CNTNAP4: variants seen among roughly 807,000 people sequenced by gnomAD.
CNTNAP4 encodes contactin associated protein family member 4.
CNTNAP4 carries 98 observed loss-of-function variants against 148.4 expected under a neutral mutation model. The observed-to-expected ratio is 0.66, with a 90% CI of 0.56 to 0.78. The LOEUF is 0.78. CNTNAP4 is among the 30% of genes least tolerant of loss of function. CNTNAP4 has a pLI of 0.00. For missense variants in CNTNAP4, 1,935 were observed against 1,565.6 expected (o/e 1.24, Z -3.98); for synonymous variants, 730 against 565.1 (o/e 1.29, Z -4.14).
At chr16:76,367,189 T>C (rs2014242000) in intron 3 of CNTNAP4, among the ~76,000 whole-genome samples, 1 of 152,066 alleles carries the variant, frequency 6.6e-6, no homozygotes, top group South Asian at 2.1e-4. Flanking sequence ...TTAATACATA[T>C]TTAAGGAAAT....
Position 76,349,048 on chromosome 16 carries a change from C to T in CNTNAP4, c.197-6270C>T, listed in dbSNP as rs374317778. On this transcript the variant is annotated intron_variant, in intron 2 of 23. Transcript: ENST00000611870. ...GGATCAGCACAAGCAAGGGGCCCAA[C>T]GAATGTCTTATGTAACTAGAAAGCA... is the stretch of plus-strand genomic sequence containing the variant. 1.6e-4 allele frequency among the ~76,000 whole-genome samples: 24 copies of T among 152,112 alleles called. No homozygotes were observed. In the South Asian group the frequency reaches 3.7e-3, roughly 24 times the overall value.
intron 1 of CNTNAP4, among the ~76,000 whole-genome samples, chr16:76,301,549 T>A (rs376013510): frequency 1.9e-4 from 29 of 152,318 alleles, no homozygotes; most frequent in African/African-American, 6.7e-4. Context: ...CTGAAAGACC[T>A]GGAAGTACAT....
At chr16:76,317,294 C>CA (rs1961890718) in intron 2 of CNTNAP4, among the ~76,000 whole-genome samples, 1 of 131,098 alleles carries the variant, frequency 7.6e-6, no homozygotes, top group African/African-American at 3.1e-5. Flanking sequence ...AAAAAAAACC[C>CA]AAAAAACCCC....
intron 1 of CNTNAP4, among the ~76,000 whole-genome samples, chr16:76,291,410 C>T (rs982004785): frequency 9.9e-5 from 15 of 152,104 alleles, no homozygotes; most frequent in African/African-American, 3.4e-4. Flanking sequence ...TTTCTCTTTG[C>T]TTTTATCTGC....
intron 3 of CNTNAP4, among the ~76,000 whole-genome samples, chr16:76,396,999 G>A (rs189787235): frequency 6.6e-6 from 1 of 152,238 alleles, no homozygotes; most frequent in Admixed American, 6.5e-5. Flanking sequence ...TATGGAACTC[G>A]ATCACTTGGG....
At chr16:76,316,606 A>T in intron 2 of CNTNAP4, 83 bp downstream of exon 2, 1 of 869,470 alleles carries the variant, frequency 1.2e-6, no homozygotes, top group Non-Finnish European at 1.9e-6. Context: ...ATTATGAATG[A>T]TACATGGTAA....
chr16:76,375,482 A>G (rs2015324610), intron 3 of CNTNAP4, among the ~76,000 whole-genome samples: 2 of 152,170 alleles, frequency 1.3e-5, no homozygotes, highest in Non-Finnish European at 2.9e-5. Context: ...AATATTGCAT[A>G]GGGCTTTGCA....
chr16:76,509,994 C>T lies in CNTNAP4; in HGVS notation c.2366-11146C>T, dbSNP rs1473564891. On this transcript the variant is annotated intron_variant, in intron 15 of 23. Transcript: ENST00000611870. The stretch of plus-strand genomic sequence containing the variant: ...CATATAATTCACAGCCTATAATTCA[C>T]CCTTTTAAAAGTGTACAGTTCAATC... 8.3e-5 allele frequency among the ~76,000 whole-genome samples: 8 copies of T among 95,906 alleles called. 1 individual carries two copies. The highest frequency in any genetic ancestry group is 2.1e-4 in the African/African-American group (8 of 38,534). The allele number at this position is 95,906 out of a possible 152,430, so 62.9% of individuals were successfully genotyped here. A position where few individuals can be genotyped will look rare whatever the true frequency, so the allele number is the denominator to read the frequency against.
At chr16:76,521,488 CAT>C (rs551860877) in intron 16 of CNTNAP4, among the ~76,000 whole-genome samples, 178 bp downstream of exon 16, 37 of 152,228 alleles carry the variant, frequency 2.4e-4, no homozygotes, top group South Asian at 1.0e-3. Context: ...TGATACTTAA[CAT>C]GTGATAATTT....
chr16:76,421,991 G>C (rs1166971509), intron 3 of CNTNAP4, among the ~76,000 whole-genome samples: 1 of 152,068 alleles, frequency 6.6e-6, no homozygotes, highest in Non-Finnish European at 1.5e-5. Flanking sequence ...ATACTTCTTG[G>C]CTTTTATACG....
intron 4 of CNTNAP4, among the ~76,000 whole-genome samples, chr16:76,447,601 C>T (rs576605042): frequency 1.4e-4 from 21 of 152,194 alleles, no homozygotes; most frequent in African/African-American, 3.9e-4. Flanking sequence ...AGACAATATG[C>T]ATTCAGTAGA....
At chr16:76,483,419 C>G (rs762232287) in intron 12 of CNTNAP4, among the ~76,000 whole-genome samples, 58 of 152,146 alleles carry the variant, frequency 3.8e-4, no homozygotes, top group Non-Finnish European at 4.6e-4. Flanking sequence ...GTCTCATTCA[C>G]CAATCAATAC....
chr16:76,470,859 C>A (rs902546445), intron 10 of CNTNAP4, among the ~76,000 whole-genome samples: 1 of 152,108 alleles, frequency 6.6e-6, no homozygotes, highest in East Asian at 1.9e-4. Context: ...CACACATGCA[C>A]CAATGTGGCC....
intron 18 of CNTNAP4, among the ~76,000 whole-genome samples, chr16:76,537,902 T>C (rs891823644): frequency 6.6e-6 from 1 of 152,126 alleles, no homozygotes; most frequent in Non-Finnish European, 1.5e-5. Context: ...TGTAAAATTA[T>C]ACTAGTGCAT....
chr16:76,285,228 C>T lies in CNTNAP4; in HGVS notation c.85+7481C>T, dbSNP rs545146860. On this transcript the variant is annotated intron_variant, in intron 1 of 23. Coordinates refer to ENST00000611870, the MANE Select transcript of CNTNAP4 (RefSeq NM_033401.5). ...GAAAAGTGGTACTCTAGTAATAAAA[C>T]TGGGAAAATAGCATAACAGCAGGTA... Among the ~76,000 whole-genome samples, 4 of 151,962 alleles carry T rather than the reference C, an allele frequency of 2.6e-5. No individual in the cohort carries two copies. In the South Asian group the frequency reaches 8.3e-4, roughly 32 times the overall value.
intron 4 of CNTNAP4, among the ~76,000 whole-genome samples, chr16:76,430,413 C>G (rs2079564949): frequency 6.6e-6 from 1 of 152,150 alleles, no homozygotes; most frequent in African/African-American, 2.4e-5. Flanking sequence ...GCTGTAGTTG[C>G]TATCATCACA....
chr16:76,546,452 C>T (rs912251555), intron 21 of CNTNAP4, among the ~76,000 whole-genome samples: 1 of 152,132 alleles, frequency 6.6e-6, no homozygotes, highest in Non-Finnish European at 1.5e-5. Flanking sequence ...CTATTGTGAA[C>T]TGCACATGTG....
At chr16:76,473,342 A>AG (rs1156249561) in intron 10 of CNTNAP4, among the ~76,000 whole-genome samples, 1 of 152,196 alleles carries the variant, frequency 6.6e-6, no homozygotes, top group Non-Finnish European at 1.5e-5. Context: ...TGAGATTGTC[A>AG]GTGACATTTC....
intron 1 of CNTNAP4, among the ~76,000 whole-genome samples, chr16:76,288,796 T>C (rs1406342411): frequency 4.6e-5 from 7 of 152,190 alleles, no homozygotes; most frequent in African/African-American, 1.7e-4. Flanking sequence ...TTTTTTCAGT[T>C]GAAACACCAA....
Sources: allele counts gnomAD v4.1 joint callset (sites outside exome capture counted in the v4.1 genomes callset), GRCh38; gene constraint gnomAD v4.1.1; transcripts MANE v1.5; gene names NCBI Gene and HGNC (gene_info 2026-07-23, HGNC 2026-07-21).